Variants in LPP observed in about 807,000 individuals in gnomAD.
The protein encoded by LPP is lipoma-preferred partner.
LPP carries 38 observed loss-of-function variants against 60.4 expected under a neutral mutation model. That is an observed-to-expected ratio of 0.63 (90% CI 0.49 to 0.83). The LOEUF (loss-of-function observed/expected upper bound fraction) is 0.83. Ranked by LOEUF, LPP falls within the 40% of genes least tolerant of loss-of-function variation. LPP has a pLI of 0.00. For synonymous variants in LPP, 328 were observed against 290.8 expected (o/e 1.13, Z -1.30); for missense variants, 902 against 783.6 (o/e 1.15, Z -1.80).
At chr3:188,729,859 CTG>C (rs2150016727) in intron 8 of LPP, among the ~76,000 whole-genome samples, 1 of 150,644 alleles carries the variant, frequency 6.6e-6, no homozygotes, top group South Asian at 2.1e-4. Context: ...ATGGCATATG[CTG>C]TGGTTCCAGC....
At chr3:188,750,626 C>A (rs137978149) in intron 8 of LPP, among the ~76,000 whole-genome samples, 1,537 of 152,186 alleles carry the variant, frequency 0.01, 6 homozygotes, top group South Asian at 0.017. Context: ...GAGTGAGACT[C>A]CATCTCAAAA....
chr3:188,876,445 A>G lies in LPP; in HGVS notation c.*1966A>G. On this transcript the variant is annotated 3_prime_UTR_variant, in exon 12 of 12. Coordinates refer to ENST00000617246, the MANE Select transcript of LPP (RefSeq NM_001375462.1). ...CCCTAGTTCTCTTATCTTTGATCGT[A>G]TATTTCTCATAATGTGAAATATGAT... The G allele has an allele frequency of 5.1e-6, 1 of 195,252 alleles. No homozygotes were observed. Among genetic ancestry groups the G allele is most frequent in the African/African-American group, 2.3e-5 (1 of 43,288 alleles). The allele number at this position is 195,252 out of a possible 1,614,324, so 12.1% of individuals were successfully genotyped here.
chr3:188,829,895 G>A (rs1381575093), intron 9 of LPP, among the ~76,000 whole-genome samples: 2 of 151,846 alleles, frequency 1.3e-5, no homozygotes, highest in African/African-American at 2.4e-5. Flanking sequence ...ACATTGGCTG[G>A]GCATGGTGGC....
intron 4 of LPP, among the ~76,000 whole-genome samples, chr3:188,441,732 C>T (rs1289376180): frequency 2.0e-5 from 3 of 150,092 alleles, no homozygotes; most frequent in East Asian, 2.0e-4. Context: ...GCCATTCTCC[C>T]ACCTCAGCCT....
At chr3:188,305,130 T>G (rs990625419) in intron 2 of LPP, among the ~76,000 whole-genome samples, 5 of 152,206 alleles carry the variant, frequency 3.3e-5, no homozygotes, top group African/African-American at 1.2e-4. Context: ...CAGTGGGTGA[T>G]AAGTTCTTTG....
intron 1 of LPP, among the ~76,000 whole-genome samples, chr3:188,213,514 G>T (rs947298236): frequency 6.6e-6 from 1 of 152,114 alleles, no homozygotes; most frequent in Non-Finnish European, 1.5e-5. Context: ...GGAGATGTTA[G>T]AACTGTCCAC....
At chr3:188,603,555 C>G (rs1301441408) in intron 6 of LPP, among the ~76,000 whole-genome samples, 5 of 152,022 alleles carry the variant, frequency 3.3e-5, no homozygotes, top group Non-Finnish European at 5.9e-5. Context: ...GTTTCCGTCT[C>G]AGGAGTAACT....
intron 10 of LPP, among the ~76,000 whole-genome samples, chr3:188,869,439 C>T (rs1767498090): frequency 6.6e-6 from 1 of 152,140 alleles, no homozygotes; most frequent in South Asian, 2.1e-4. Context: ...TACGGGCACC[C>T]ACCACCATGC....
At chr3:188,829,933 A>G (rs1357808674) in intron 9 of LPP, among the ~76,000 whole-genome samples, 5 of 151,860 alleles carry the variant, frequency 3.3e-5, no homozygotes, top group Non-Finnish European at 7.4e-5. Flanking sequence ...GCACTTTGAG[A>G]GACTGAGGCA....
rs1196880757 is a variant in LPP at position 188,884,914 on chromosome 3, T to C, written c.*10435T>C. The C allele has an allele frequency of 4.5e-6, 1 of 222,210 alleles. No individual in the cohort carries two copies. Among genetic ancestry groups the C allele is most frequent in the East Asian group, 6.5e-5 (1 of 15,312 alleles). The allele number at this position is 222,210 out of a possible 1,614,324, so 13.8% of individuals were successfully genotyped here. On this transcript the variant is annotated 3_prime_UTR_variant, in exon 12 of 12. Coordinates refer to ENST00000617246, the MANE Select transcript of LPP (RefSeq NM_001375462.1). ...ATGGAACTGTTGGCATTTCTGAGAT[T>C]TGGCCTTTGCCATTTGATAGACTTT...
At chr3:188,606,586 T>G (rs1842423597) in intron 6 of LPP, among the ~76,000 whole-genome samples, 1 of 152,128 alleles carries the variant, frequency 6.6e-6, no homozygotes, top group Admixed American at 6.6e-5. Flanking sequence ...GCTTTACCTT[T>G]CTGCTTGAAG....
intron 2 of LPP, among the ~76,000 whole-genome samples, chr3:188,317,793 G>GA (rs60864707): frequency 0.78 from 118,323 of 151,870 alleles, 47,263 homozygotes; most frequent in African/African-American, 0.94. Flanking sequence ...GAATTGGGGG[G>GA]AAAAATGAAG....
chr3:188,322,845 G>A (rs529216527), intron 2 of LPP, among the ~76,000 whole-genome samples: 2 of 152,322 alleles, frequency 1.3e-5, no homozygotes, highest in Non-Finnish European at 2.9e-5. Flanking sequence ...ATATGTTAAT[G>A]TATGTGGGAT....
Position 188,881,914 on chromosome 3 carries a change from T to G in LPP, c.*7435T>G. On this transcript the variant is annotated 3_prime_UTR_variant, in exon 12 of 12. Coordinates refer to ENST00000617246, the MANE Select transcript of LPP (RefSeq NM_001375462.1). The stretch of plus-strand genomic sequence containing the variant: ...TTCATTCATTCTGTGCTCAAATATT[T>G]GTACCTAGAGACGTTACATGTTAGA... 1 of 218,070 alleles carries G rather than the reference T, an allele frequency of 4.6e-6. No individual in the cohort carries two copies. The highest frequency in any genetic ancestry group is 9.2e-6 in the Non-Finnish European group (1 of 108,524). The allele number at this position is 218,070 out of a possible 1,614,324, so 13.5% of individuals were successfully genotyped here.
intron 8 of LPP, among the ~76,000 whole-genome samples, chr3:188,730,867 G>A (rs1458594761): frequency 2.0e-5 from 3 of 152,112 alleles, no homozygotes; most frequent in African/African-American, 4.8e-5. Flanking sequence ...TTGACTTGTG[G>A]CCCTCTTTTT....
intron 9 of LPP, among the ~76,000 whole-genome samples, chr3:188,771,406 G>T (rs971882084): frequency 6.6e-6 from 1 of 151,848 alleles, no homozygotes. Context: ...AAAATTAGCT[G>T]AATGTGGTGG....
In LPP at chr3:188,880,523, G is replaced by GA; in HGVS notation, c.*6047dup. 1.6e-5 allele frequency: 3 copies of GA among 188,896 alleles called. No individual in the cohort carries two copies. The highest frequency in any genetic ancestry group is 3.3e-5 in the Non-Finnish European group (3 of 89,754). 11.7% of individuals were successfully genotyped at this position (188,896 alleles called of 1,614,324 possible). On this transcript the variant is annotated 3_prime_UTR_variant, in exon 12 of 12. Coordinates refer to ENST00000617246, the MANE Select transcript of LPP (RefSeq NM_001375462.1). ...ACACCTACATATACTAGAGAGGGGT[G>GA]AAACACTGCAGCTAATTCCTTTATA...
chr3:188,701,342 A>G (rs1864361806), intron 7 of LPP, among the ~76,000 whole-genome samples: 1 of 152,216 alleles, frequency 6.6e-6, no homozygotes, highest in African/African-American at 2.4e-5. Context: ...GAAAAGAGGA[A>G]TGGCAAAGAA....
At chr3:188,331,063 A>G (rs891576885) in intron 2 of LPP, among the ~76,000 whole-genome samples, 1 of 152,068 alleles carries the variant, frequency 6.6e-6, no homozygotes. Flanking sequence ...CGCAAATTGC[A>G]TAGTGATAGC....
Sources: allele counts gnomAD v4.1 joint callset (sites outside exome capture counted in the v4.1 genomes callset), GRCh38; gene constraint gnomAD v4.1.1; transcripts MANE v1.5; gene names NCBI Gene and HGNC (gene_info 2026-07-23, HGNC 2026-07-21).